The following FHIT variants were observed in gnomAD, a reference collection of about 807,000 sequenced individuals.
FHIT encodes the protein bis(5'-adenosyl)-triphosphatase.
Under a neutral mutation model 17.9 loss-of-function variants are expected in FHIT, and 19 were observed. The ratio of observed to expected loss-of-function variants is 1.06; its 90% CI spans 0.74 to 1.56. The LOEUF is 1.56. FHIT is among the 40% of genes most tolerant of loss of function. The pLI is 0.00. For synonymous variants in FHIT, 81 were observed against 69.7 expected (o/e 1.16, Z -0.81); for missense variants, 248 against 189.2 (o/e 1.31, Z -1.82).
intron 4 of FHIT, among the ~76,000 whole-genome samples, chr3:60,765,316 C>T (rs1553721111): frequency 6.6e-6 from 1 of 152,100 alleles, no homozygotes; most frequent in African/African-American, 2.4e-5. Context: ...GAGACTGGAC[C>T]TTCTCAAAAG....
intron 2 of FHIT, among the ~76,000 whole-genome samples, chr3:61,091,342 T>G (rs1161690382): frequency 2.0e-5 from 3 of 152,216 alleles, no homozygotes; most frequent in Non-Finnish European, 4.4e-5. Flanking sequence ...ATTTGCCTCT[T>G]ATTAATCTAA....
intron 5 of FHIT, among the ~76,000 whole-genome samples, chr3:60,113,613 A>G (rs1405625924): frequency 1.3e-5 from 2 of 151,820 alleles, no homozygotes; most frequent in Non-Finnish European, 2.9e-5. Context: ...TGCATTGGAA[A>G]ACAGTATCAT....
chr3:60,477,858 A>T (rs1268298219), intron 5 of FHIT, among the ~76,000 whole-genome samples: 1 of 152,158 alleles, frequency 6.6e-6, no homozygotes. Context: ...CTCTAATATG[A>T]TAGGGAGCAA....
intron 5 of FHIT, among the ~76,000 whole-genome samples, chr3:60,358,234 A>C (rs1223109211): frequency 2.0e-5 from 3 of 152,238 alleles, no homozygotes; most frequent in Admixed American, 6.5e-5. Context: ...ATAGATTAAA[A>C]TATTCTAAAG....
At chr3:60,430,361 C>CAG (rs1190551233) in intron 5 of FHIT, among the ~76,000 whole-genome samples, 1 of 151,998 alleles carries the variant, frequency 6.6e-6, no homozygotes, top group African/African-American at 2.4e-5. Flanking sequence ...GGAAGAACCA[C>CAG]AGAAGTATAA....
chr3:60,742,045 T>G (rs1258289369), intron 4 of FHIT, among the ~76,000 whole-genome samples: 1 of 152,160 alleles, frequency 6.6e-6, no homozygotes, highest in Non-Finnish European at 1.5e-5. Flanking sequence ...CTTGAAACAA[T>G]AGTCAGACAT....
Position 60,011,256 on chromosome 3 carries a change from T to C in FHIT, c.279+115A>G, listed in dbSNP as rs570848382. On this transcript the variant is annotated intron_variant, in intron 7 of 9. Transcript: ENST00000492590. ...ACGGCTCTAACACTGAGGGTCTCTC[T>C]GACCTCGAAGATAACATAATGAAAC... The C allele has an allele frequency of 4.2e-5, 40 of 954,614 alleles. 1 individual carries two copies. In the Admixed American group the frequency reaches 5.1e-4, roughly 12 times the overall value. The allele number at this position is 954,614 out of a possible 1,614,324, so 59.1% of individuals were successfully genotyped here.
intron 4 of FHIT, among the ~76,000 whole-genome samples, chr3:60,561,457 C>G (rs1420128384): frequency 6.6e-6 from 1 of 151,378 alleles, no homozygotes; most frequent in Admixed American, 6.6e-5. Flanking sequence ...ATGTTTGAGC[C>G]ATTTTTTTCC....
At chr3:60,283,208 G>C (rs193112151) in intron 5 of FHIT, among the ~76,000 whole-genome samples, 1 of 152,078 alleles carries the variant, frequency 6.6e-6, no homozygotes, top group African/African-American at 2.4e-5. Flanking sequence ...ACTGATTTAG[G>C]AGAGCGAAAA....
intron 1 of FHIT, among the ~76,000 whole-genome samples, chr3:61,208,112 T>C (rs1378707898): frequency 6.6e-6 from 1 of 152,212 alleles, no homozygotes; most frequent in Non-Finnish European, 1.5e-5. Flanking sequence ...AGTTTCCATG[T>C]AATTGAGTGG....
chr3:60,631,029 A>C (rs1169149392), intron 4 of FHIT, among the ~76,000 whole-genome samples: 2 of 151,876 alleles, frequency 1.3e-5, no homozygotes, highest in African/African-American at 4.8e-5. Flanking sequence ...ACACCTGGCC[A>C]AGTACAGCCT....
intron 3 of FHIT, among the ~76,000 whole-genome samples, chr3:61,011,897 G>T (rs1349074724): frequency 6.6e-6 from 1 of 152,184 alleles, no homozygotes; most frequent in Non-Finnish European, 1.5e-5. Context: ...ACTCAGAAGT[G>T]AAATGACAGG....
chr3:60,429,473 C>T (rs959563389), intron 5 of FHIT, among the ~76,000 whole-genome samples: 1 of 152,014 alleles, frequency 6.6e-6, no homozygotes, highest in Non-Finnish European at 1.5e-5. Context: ...GGCACAACAA[C>T]TTCAGACCCA....
chr3:59,763,264 G>T (rs1252483191), intron 8 of FHIT, among the ~76,000 whole-genome samples: 1 of 152,154 alleles, frequency 6.6e-6, no homozygotes. Context: ...GCACAGTGTA[G>T]GCAAGGAAAC....
chr3:61,213,708 T>C (rs1276046337), intron 1 of FHIT, among the ~76,000 whole-genome samples: 3 of 152,218 alleles, frequency 2.0e-5, no homozygotes, highest in Non-Finnish European at 4.4e-5. Flanking sequence ...CATACATTTT[T>C]TTCAGCACCA....
At chr3:60,311,255 G>A (rs1420859714) in intron 5 of FHIT, among the ~76,000 whole-genome samples, 1 of 151,808 alleles carries the variant, frequency 6.6e-6, no homozygotes, top group African/African-American at 2.4e-5. Flanking sequence ...CCCAACGTGT[G>A]TGTGTGTGTG....
At chr3:60,955,122 T>C (rs1410833929) in intron 3 of FHIT, among the ~76,000 whole-genome samples, 4 of 152,120 alleles carry the variant, frequency 2.6e-5, no homozygotes, top group African/African-American at 9.7e-5. Context: ...CCATACTTCA[T>C]GGTAGGCTAG....
chr3:60,073,429 G>T (rs1702868192), intron 5 of FHIT, among the ~76,000 whole-genome samples: 1 of 151,912 alleles, frequency 6.6e-6, no homozygotes, highest in South Asian at 2.1e-4. Context: ...CATTATCCTG[G>T]GACAACAAAC....
chr3:59,760,231 T>C (rs930574024), intron 8 of FHIT, among the ~76,000 whole-genome samples: 1 of 152,200 alleles, frequency 6.6e-6, no homozygotes, highest in Non-Finnish European at 1.5e-5. Context: ...GGCATCCCAT[T>C]TTCAAGGGGT....
Sources: allele counts gnomAD v4.1 joint callset (sites outside exome capture counted in the v4.1 genomes callset), GRCh38; gene constraint gnomAD v4.1.1; transcripts MANE v1.5; gene names NCBI Gene and HGNC (gene_info 2026-07-23, HGNC 2026-07-21).